Variants in ARHGEF1 observed in about 807,000 individuals in gnomAD.
ARHGEF1 encodes the protein Rho guanine nucleotide exchange factor 1.
A neutral mutation model predicts 119.7 loss-of-function variants in ARHGEF1; 40 were observed. The observed-to-expected ratio is 0.33, with a 90% CI of 0.26 to 0.44. The LOEUF (loss-of-function observed/expected upper bound fraction) is 0.44, where lower values mean the gene tolerates loss of function less well. Ranked by LOEUF, ARHGEF1 falls within the 20% of genes least tolerant of loss-of-function variation. The pLI is 1.00. For synonymous variants in ARHGEF1, 494 were observed against 521.0 expected (o/e 0.95, Z 0.71); for missense variants, 976 against 1,268.3 (o/e 0.77, Z 3.50).
rs2074663556 is a variant in ARHGEF1 at position 41,904,789 on chromosome 19, C to T, written c.2162-160C>T. On this transcript the variant is annotated intron_variant, in intron 22 of 28. Coordinates refer to ENST00000354532, the MANE Select transcript of ARHGEF1 (RefSeq NM_004706.4). The surrounding 1 kb of genome is among the most constrained non-coding windows in gnomAD (Gnocchi z 8.4). ...GTGTGAGAGGTGGGGCTCAGGAGGA[C>T]ACATCGGGCCCTGGATATTAGCAGA... 6.6e-6 allele frequency among the ~76,000 whole-genome samples: 1 copy of T among 152,096 alleles called. No individual in the cohort carries two copies.
intron 1 of ARHGEF1, among the ~76,000 whole-genome samples, chr19:41,884,935 A>G (rs2074270962): frequency 1.3e-5 from 2 of 152,166 alleles, no homozygotes. Flanking sequence ...GGGGAGTTAC[A>G]CATTCCAACG....
chr19:41,898,597 G>A lies in ARHGEF1; in HGVS notation c.1267+10G>A, dbSNP rs1351643935. The A allele has an allele frequency of 1.9e-6, 3 of 1,583,098 alleles. No individual in the cohort carries two copies. The highest frequency in any genetic ancestry group is 2.6e-6 in the Non-Finnish European group (3 of 1,165,386). ...CAGGAGGTCATCAGCGGTGAGTACTGCCCCCATCACCCCACTGTGGCCAAG... is the reference window on the plus strand; with the variant it reads ...CAGGAGGTCATCAGCGGTGAGTACTACCCCCATCACCCCACTGTGGCCAAG... On this transcript the variant is annotated intron_variant, in intron 14 of 28. Coordinates refer to ENST00000354532, the MANE Select transcript of ARHGEF1 (RefSeq NM_004706.4).
intron 1 of ARHGEF1, among the ~76,000 whole-genome samples, chr19:41,887,835 C>T (rs1169223332): frequency 6.6e-6 from 1 of 152,198 alleles, no homozygotes; most frequent in Non-Finnish European, 1.5e-5. Context: ...TGGACCCAGG[C>T]TCCTGAGCCT....
Position 41,903,781 on chromosome 19 carries a change from C to A in ARHGEF1, c.1914C>A (p.Phe638Leu). 1 of 1,613,018 alleles carries A rather than the reference C, an allele frequency of 6.2e-7. No homozygotes were observed. The highest frequency in any genetic ancestry group is 8.5e-7 in the Non-Finnish European group (1 of 1,179,972). ...GCAGCGACCCTATGCTGAGCGAGTT[C>A]AAGGTGTGACCATACCCTCCTGCCT... ...RQSSDPMLSE[F>L]KNLDITKKKL... The change falls in exon 20 of 29, where the codon TTC becomes TTA. Residue 638 changes from phenylalanine (F) to leucine (L), a missense_variant. By Grantham distance (22) the Phe-to-Leu change is conservative (BLOSUM62 0). This residue lies in a region of ARHGEF1 where 286 missense variants were observed against 506.8 expected (regional missense o/e 0.56). Coordinates refer to ENST00000354532, the MANE Select transcript of ARHGEF1 (RefSeq NM_004706.4). This position sits in a 1 kb window ranked among gnomAD's most constrained non-coding sequence, Gnocchi z 4.2.
At chr19:41,918,688 C>T (rs1879322992), upstream of ARHGEF1, among the ~76,000 whole-genome samples, 1 of 149,242 alleles carries the variant, frequency 6.7e-6, no homozygotes, top group African/African-American at 2.5e-5. Context: ...ACCACACACA[C>T]CACATATCCG....
chr19:41,898,419 C>T, intron 13 of ARHGEF1, 23 bp from the exon 14 acceptor site: 1 of 1,548,470 alleles, frequency 6.5e-7, no homozygotes, highest in Non-Finnish European at 8.7e-7. Flanking sequence ...AAGCTGGGGC[C>T]CTAACAAGGC....
chr19:41,914,715 T>TGTCTCC (rs1449970320), intron 18 of ARHGEF1, among the ~76,000 whole-genome samples: 1 of 17,856 alleles, frequency 5.6e-5, no homozygotes, highest in Non-Finnish European at 8.3e-5. Flanking sequence ...CCACCATCTC[T>TGTCTCC]GTCTCTCCCT....
downstream of ARHGEF1, chr19:41,908,177 G>A (rs1555850858): frequency 9.0e-6 from 11 of 1,218,254 alleles, no homozygotes; most frequent in Middle Eastern, 3.1e-4. This position sits in a 1 kb window ranked among gnomAD's most constrained non-coding sequence, Gnocchi z 6.7. Flanking sequence ...AAGGGCAGAC[G>A]GGCAGCCACC....
chr19:41,915,046 C>T lies in ARHGEF1; in HGVS notation c.1866-8046C>T, dbSNP rs1258291460. On this transcript the variant is annotated intron_variant, in intron 18 of 20. Transcript: ENST00000599589. Reference sequence around the variant, plus strand: ...CCCTGTCCCGCGTCTCTCCAGCAGCCCCGCTCCCCCACACCTCTCCCCCAC... The same window carrying T: ...CCCTGTCCCGCGTCTCTCCAGCAGCTCCGCTCCCCCACACCTCTCCCCCAC... 4.6e-5 allele frequency among the ~76,000 whole-genome samples: 5 copies of T among 107,764 alleles called. No individual in the cohort carries two copies. The East Asian group carries it at 1.4e-3, about 30-fold the overall frequency. The allele number at this position is 107,764 out of a possible 152,430, so 70.7% of individuals were successfully genotyped here.
intron 1 of ARHGEF1, among the ~76,000 whole-genome samples, chr19:41,925,253 C>A (rs2074864620): frequency 6.6e-6 from 1 of 151,958 alleles, no homozygotes; most frequent in Non-Finnish European, 1.5e-5. Context: ...TGAGGAATGG[C>A]AGGTGCAGGG....
intron 1 of ARHGEF1, chr19:41,884,266 C>A (rs981083440): frequency 2.1e-5 from 15 of 699,852 alleles, no homozygotes; most frequent in Non-Finnish European, 3.3e-5. Context: ...ATCTGGCCTG[C>A]GTGGCGCAGT....
downstream of ARHGEF1, chr19:41,909,737 C>T: frequency 9.2e-7 from 1 of 1,091,964 alleles, no homozygotes; most frequent in Non-Finnish European, 1.3e-6. This position sits in a 1 kb window ranked among gnomAD's most constrained non-coding sequence, Gnocchi z 5.2. Flanking sequence ...GCGATGGTGG[C>T]TACTCACGCA....
rs1285682315 is a variant in ARHGEF1 at position 41,903,561 on chromosome 19, C to A, written c.1840-146C>A. ...GGGGTTGGCTTGGCCCTCAGCATCT[C>A]CCTCTCAGGGTCATTGGAGGTCAGG... On this transcript the variant is annotated intron_variant, in intron 19 of 28. Transcript: ENST00000354532. This position sits in a 1 kb window ranked among gnomAD's most constrained non-coding sequence, Gnocchi z 4.2. 9.1e-7 allele frequency: 1 copy of A among 1,099,624 alleles called. No individual in the cohort carries two copies. 68.1% of individuals were successfully genotyped at this position (1,099,624 alleles called of 1,614,324 possible).
chr19:41,902,355 G>A lies in ARHGEF1; in HGVS notation c.1496G>A (p.Arg499Gln), dbSNP rs375242613. Residue 499 changes from arginine to glutamine, a missense_variant and splice_region_variant, in exon 16 of 29, where the codon CGG (arginine) becomes CAG (glutamine). Coordinates refer to ENST00000354532, the MANE Select transcript of ARHGEF1 (RefSeq NM_004706.4). This position sits in a 1 kb window ranked among gnomAD's most constrained non-coding sequence, Gnocchi z 6.5. ...GAGATCGGAGACGTGCTGCTGGCCCGGGTGAGATGCCCAGCCCTCCCGCTC... is the reference window on the plus strand; with the variant it reads ...GAGATCGGAGACGTGCTGCTGGCCCAGGTGAGATGCCCAGCCCTCCCGCTC... ...IEEIGDVLLA[R>Q]FDGAEGSWFQ... 18 of 1,613,928 alleles carry A rather than the reference G, an allele frequency of 1.1e-5. No homozygotes were observed. The African/African-American group carries it at 1.2e-4, about 11-fold the overall frequency.
chr19:41,904,528 CG>C lies in ARHGEF1; in HGVS notation c.2161+149del. 1 of 998,914 alleles carries C rather than the reference CG, an allele frequency of 1.0e-6. No homozygotes were observed. The highest frequency in any genetic ancestry group is 1.4e-6 in the Non-Finnish European group (1 of 699,754). The allele number at this position is 998,914 out of a possible 1,614,324, so 61.9% of individuals were successfully genotyped here. On this transcript the variant is annotated intron_variant, in intron 22 of 28. Coordinates refer to ENST00000354532, the MANE Select transcript of ARHGEF1 (RefSeq NM_004706.4). The surrounding 1 kb of genome is among the most constrained non-coding windows in gnomAD (Gnocchi z 8.4). ...GAGAAGTAGGTGGAGGTGGGCAGGG[CG>C]GGGCCAGGCCTAGAGGGTTTATAAG...
In ARHGEF1 at chr19:41,914,555, CTT is replaced by C. The variant is rs1568831481; in HGVS notation, c.1865+7753_1865+7754del. On this transcript the variant is annotated intron_variant, in intron 18 of 20. Transcript: ENST00000599589. ...TCTCTGCTATCCGTCTTTCCCTCCC[CTT>C]CCACCATCTCTGTCTCCGTCTCTCC... Among the ~76,000 whole-genome samples the C allele has an allele frequency of 3.6e-4, 36 of 100,870 alleles. 2 individuals are homozygous for C. Among genetic ancestry groups the C allele is most frequent in the Middle Eastern group, 4.6e-3 (1 of 218 alleles). 66.2% of individuals were successfully genotyped at this position (100,870 alleles called of 152,430 possible).
chr19:41,900,131 C>T (rs782681876), intron 14 of ARHGEF1, among the ~76,000 whole-genome samples: 25 of 151,966 alleles, frequency 1.6e-4, no homozygotes, highest in Non-Finnish European at 2.8e-4. Context: ...GTCAGGAGTT[C>T]GAGACTAGCC....
chr19:41,907,557 G>A (rs1036447304), downstream of ARHGEF1: 4 of 675,396 alleles, frequency 5.9e-6, no homozygotes, highest in Admixed American at 9.5e-5. Flanking sequence ...CCTCCCTCCA[G>A]TTGTTCATTC....
In ARHGEF1 at chr19:41,905,200, G is replaced by A; in HGVS notation, c.2275G>A (p.Ala759Thr). 2 of 1,614,058 alleles carry A rather than the reference G, an allele frequency of 1.2e-6. No homozygotes were observed. Among genetic ancestry groups the A allele is most frequent in the Non-Finnish European group, 1.7e-6 (2 of 1,179,966 alleles). Residue 759 changes from alanine (A) to threonine (T), a missense_variant, in exon 24 of 29, where the codon GCC becomes ACC. By Grantham distance (58) the Ala-to-Thr change is moderately conservative (BLOSUM62 0). Around this residue, in one of 3 missense-constraint regions of ARHGEF1, gnomAD observed 286 missense variants for 506.8 expected, o/e 0.56. Coordinates refer to ENST00000354532, the MANE Select transcript of ARHGEF1 (RefSeq NM_004706.4). This position sits in a 1 kb window ranked among gnomAD's most constrained non-coding sequence, Gnocchi z 6.4. ...KNWCALITET[A>T]GSLKVPAPAS... ...CTGGTGTGCTCTCATCACTGAGACT[G>A]CCGGATCCCTGAAAGTCCCTGCCCC... is the stretch of plus-strand genomic sequence containing the variant.
Sources: allele counts gnomAD v4.1 joint callset (sites outside exome capture counted in the v4.1 genomes callset), GRCh38; gene constraint gnomAD v4.1.1; regional missense constraint gnomAD v4.1.1; non-coding constraint Gnocchi (gnomAD v3.1); transcripts MANE v1.5; gene names NCBI Gene and HGNC (gene_info 2026-07-23, HGNC 2026-07-21).